The following TXK variants were observed in gnomAD, a reference collection of about 807,000 sequenced individuals.
The protein encoded by TXK is TXK tyrosine kinase.
TXK carries 60 observed loss-of-function variants against 81.0 expected under a neutral mutation model. The ratio of observed to expected loss-of-function variants is 0.74; its 90% CI spans 0.60 to 0.92. The LOEUF (loss-of-function observed/expected upper bound fraction) is 0.92, where lower values mean the gene tolerates loss of function less well. Ranked by LOEUF, TXK falls within the 40% of genes least tolerant of loss-of-function variation. The probability of loss-of-function intolerance (pLI) is 0.00; values close to 1 mark genes in which losing one functional copy is unlikely to be tolerated. For missense variants in TXK, 581 were observed against 638.3 expected (o/e 0.91, Z 0.97); for synonymous variants, 203 against 210.7 (o/e 0.96, Z 0.32).
At chr4:48,130,739 T>C (rs1719229669) in intron 1 of TXK, among the ~76,000 whole-genome samples, 1 of 152,164 alleles carries the variant, frequency 6.6e-6, no homozygotes, top group South Asian at 2.1e-4. Flanking sequence ...ATAGTAATAA[T>C]GGAAGGTGTT....
intron 6 of TXK, among the ~76,000 whole-genome samples, chr4:48,100,167 A>G (rs1179680476): frequency 1.1e-5 from 1 of 86,998 alleles, no homozygotes; most frequent in African/African-American, 4.1e-5. Context: ...AAGAGACTCC[A>G]TCTCAAAAAA....
chr4:48,075,084 TG>T (rs1056696622), intron 12 of TXK, among the ~76,000 whole-genome samples: 2 of 151,352 alleles, frequency 1.3e-5, no homozygotes, highest in African/African-American at 4.9e-5. Flanking sequence ...AAAAGAGGAA[TG>T]GGGGAAATAG....
chr4:48,112,253 GTCT>G, intron 4 of TXK, 51 bp downstream of exon 4: 2 of 1,532,062 alleles, frequency 1.3e-6, no homozygotes, highest in South Asian at 2.3e-5. Context: ...TCACTAAGTA[GTCT>G]TCTTTGTGTT....
chr4:48,120,533 G>A (rs2940329), intron 1 of TXK, among the ~76,000 whole-genome samples: 5,508 of 149,808 alleles, frequency 0.037, 340 homozygotes, highest in African/African-American at 0.13. Context: ...CTCTGTCGCC[G>A]AGACTGGAGT....
chr4:48,127,240 G>C (rs1487409491), intron 1 of TXK, among the ~76,000 whole-genome samples: 1 of 152,198 alleles, frequency 6.6e-6, no homozygotes, highest in Non-Finnish European at 1.5e-5. Context: ...GTGTTCCCTT[G>C]CTTGGCATGA....
At chr4:48,088,754 CTA>C (rs1477632707) in intron 9 of TXK, among the ~76,000 whole-genome samples, 1 of 152,140 alleles carries the variant, frequency 6.6e-6, no homozygotes, top group Non-Finnish European at 1.5e-5. Context: ...ATTATATATA[CTA>C]TCTGTGGGCC....
At chr4:48,091,592 G>A (rs1042704975) in intron 8 of TXK, among the ~76,000 whole-genome samples, 15 of 151,546 alleles carry the variant, frequency 9.9e-5, no homozygotes, top group Non-Finnish European at 2.2e-4. Flanking sequence ...TGCAACCTCC[G>A]CCTCTCAGGT....
rs188757086 is a variant in TXK, at chr4:48,095,318, T to C, written c.502-96A>G. On this transcript the variant is annotated intron_variant, in intron 6 of 14. Coordinates refer to ENST00000264316, the MANE Select transcript of TXK (RefSeq NM_003328.3). ...AAATCAAAGCTATATTGACTTACCA[T>C]AAATAAGTGACCTGCTATATTATTA... 216 of 835,714 alleles carry C rather than the reference T, an allele frequency of 2.6e-4. No individual in the cohort carries two copies. In the African/African-American group the frequency reaches 3.3e-3, roughly 13 times the overall value. The allele number at this position is 835,714 out of a possible 1,614,324, so 51.8% of individuals were successfully genotyped here.
chr4:48,134,014 C>G (rs1332513281), intron 1 of TXK, 141 bp downstream of exon 1: 1 of 851,258 alleles, frequency 1.2e-6, no homozygotes, highest in African/African-American at 1.7e-5. Flanking sequence ...AGAAACAAAA[C>G]TCTGTCACAA....
At chr4:48,077,063 G>A (rs899627028) in intron 11 of TXK, among the ~76,000 whole-genome samples, 2 of 151,754 alleles carry the variant, frequency 1.3e-5, no homozygotes, top group African/African-American at 4.8e-5. Flanking sequence ...TTATATCTTT[G>A]GGATCTCTAA....
chr4:48,071,494 A>G, intron 14 of TXK, 23 bp downstream of exon 14: 1 of 1,599,396 alleles, frequency 6.3e-7, no homozygotes, highest in Non-Finnish European at 8.5e-7. Flanking sequence ...GCCAACCTTC[A>G]TAGGAAAGTA....
At chr4:48,129,539 C>T (rs1359936912) in intron 1 of TXK, among the ~76,000 whole-genome samples, 1 of 152,084 alleles carries the variant, frequency 6.6e-6, no homozygotes, top group East Asian at 1.9e-4. Flanking sequence ...AGAAGCCTGG[C>T]AAGCTGGATG....
intron 8 of TXK, 128 bp downstream of exon 8, chr4:48,093,948 AG>A: frequency 7.9e-7 from 1 of 1,264,658 alleles, no homozygotes; most frequent in South Asian, 1.3e-5. Flanking sequence ...TCAAAAGATA[AG>A]TTGTACTTCA....
intron 1 of TXK, among the ~76,000 whole-genome samples, chr4:48,122,983 A>AGTTCTCAGCCTGGCTTC (rs1215869849): frequency 1.3e-5 from 2 of 152,262 alleles, no homozygotes; most frequent in African/African-American, 4.8e-5. Flanking sequence ...CAGAGCAATC[A>AGTTCTCAGCCTGGCTTC]GTTCTCAGCC....
chr4:48,113,822 A>G (rs1718718079), intron 2 of TXK, among the ~76,000 whole-genome samples: 1 of 152,212 alleles, frequency 6.6e-6, no homozygotes, highest in Admixed American at 6.5e-5. Flanking sequence ...TCATAAAAAA[A>G]AAAAGTAGGT....
intron 1 of TXK, among the ~76,000 whole-genome samples, chr4:48,118,854 G>A (rs16860968): frequency 0.011 from 1,632 of 152,182 alleles, 34 homozygotes; most frequent in African/African-American, 0.037. Context: ...CTGCTTCCTA[G>A]AGCTACTTCT....
At chr4:48,131,631 A>G (rs1719249572) in intron 1 of TXK, among the ~76,000 whole-genome samples, 1 of 152,216 alleles carries the variant, frequency 6.6e-6, no homozygotes, top group Non-Finnish European at 1.5e-5. Flanking sequence ...GGAAAGGAGA[A>G]CGAGATTTCA....
intron 1 of TXK, among the ~76,000 whole-genome samples, chr4:48,126,174 CT>C (rs35545414): frequency 0.24 from 36,899 of 152,010 alleles, 5,216 homozygotes; most frequent in East Asian, 0.67. Context: ...TCTGTCACCC[CT>C]GAGACAGAAA....
At position 48,086,532 on chromosome 4, in the gene TXK, G is replaced by T; in HGVS notation, c.890C>A (p.Ala297Asp). Residue 297 changes from alanine (A) to aspartate (D), a missense_variant, in exon 10 of 15, where the codon GCT (alanine) becomes GAT (aspartate). Coordinates refer to ENST00000264316, the MANE Select transcript of TXK (RefSeq NM_003328.3). Reference protein sequence around the residue: ...LGEWRSHIQVAIKAINEGSMS... With the variant: ...LGEWRSHIQVDIKAINEGSMS... ...GGAGCCTTCATTGATGGCCTTGATAGCTACCTGGATATGTGACCGCCATTC... is the reference window on the plus strand; with the variant it reads ...GGAGCCTTCATTGATGGCCTTGATATCTACCTGGATATGTGACCGCCATTC... 6.2e-7 allele frequency: 1 copy of T among 1,614,090 alleles called. No homozygotes were observed. The highest frequency in any genetic ancestry group is 1.1e-5 in the South Asian group (1 of 91,074).
Sources: gnomAD v4.1 joint callset for allele counts (sites outside exome capture counted in the v4.1 genomes callset) on GRCh38, gnomAD v4.1.1 for gene constraint, MANE v1.5 for transcripts, NCBI Gene and HGNC (gene_info 2026-07-23, HGNC 2026-07-21) for gene names.